EIF2AK3: variants seen among roughly 807,000 people sequenced by gnomAD.
The protein encoded by EIF2AK3 is eukaryotic translation initiation factor 2-alpha kinase 3.
Under a neutral mutation model 113.5 loss-of-function variants are expected in EIF2AK3, and 50 were observed. The ratio of observed to expected loss-of-function variants is 0.44; its 90% CI spans 0.35 to 0.56. The LOEUF (loss-of-function observed/expected upper bound fraction) is 0.56, where lower values mean the gene tolerates loss of function less well. EIF2AK3 is among the 20% of genes least tolerant of loss of function. EIF2AK3 has a pLI of 0.00. For synonymous variants in EIF2AK3, 448 were observed against 495.4 expected (o/e 0.90, Z 1.27); for missense variants, 1,185 against 1,378.0 (o/e 0.86, Z 2.22).
chr2:88,593,964 G>A, intron 3 of EIF2AK3: 1 of 990,882 alleles, frequency 1.0e-6, no homozygotes, highest in Non-Finnish European at 1.2e-6. Context: ...AAAACCAGGT[G>A]ATCGGGTTCA....
intron 1 of EIF2AK3, among the ~76,000 whole-genome samples, chr2:88,621,832 A>T (rs1675731961): frequency 6.6e-6 from 1 of 152,128 alleles, no homozygotes; most frequent in Non-Finnish European, 1.5e-5. Flanking sequence ...CATAAGCGTA[A>T]CAGATATCCT....
intron 10 of EIF2AK3, 59 bp downstream of exon 10, chr2:88,583,371 A>G: frequency 7.3e-7 from 1 of 1,373,002 alleles, no homozygotes; most frequent in Non-Finnish European, 1.0e-6. Flanking sequence ...AAAAAGTTAA[A>G]CAAGATCTTA....
At chr2:88,575,489 T>C in intron 12 of EIF2AK3, 43 bp from the exon 13 acceptor site, 1 of 1,593,852 alleles carries the variant, frequency 6.3e-7, no homozygotes, top group Non-Finnish European at 8.5e-7. Flanking sequence ...TGAATATATA[T>C]TGATTCAAGT....
intron 1 of EIF2AK3, 116 bp downstream of exon 1, chr2:88,626,851 C>T: frequency 2.1e-6 from 3 of 1,396,582 alleles, no homozygotes; most frequent in Non-Finnish European, 2.9e-6. Flanking sequence ...GCCAGCTGCC[C>T]TCCGCAGCCG....
chr2:88,589,129 C>T (rs1362508170), intron 6 of EIF2AK3, among the ~76,000 whole-genome samples: 1 of 152,120 alleles, frequency 6.6e-6, no homozygotes, highest in Non-Finnish European at 1.5e-5. Context: ...AATAATAGCA[C>T]ATTTTCAGTA....
At chr2:88,563,406 C>T (rs1001597045) in intron 14 of EIF2AK3, among the ~76,000 whole-genome samples, 1 of 152,160 alleles carries the variant, frequency 6.6e-6, no homozygotes, top group Non-Finnish European at 1.5e-5. Context: ...CTGTAGCAAT[C>T]TGAACCCTGT....
intron 6 of EIF2AK3, among the ~76,000 whole-genome samples, 195 bp downstream of exon 6, chr2:88,590,245 CAAA>C (rs1172973695): frequency 6.6e-6 from 1 of 151,878 alleles, no homozygotes; most frequent in African/African-American, 2.4e-5. Flanking sequence ...CCAACAACAA[CAAA>C]AAAATTTTCA....
intron 2 of EIF2AK3, among the ~76,000 whole-genome samples, chr2:88,608,537 A>G (rs1403446560): frequency 6.6e-6 from 1 of 152,036 alleles, no homozygotes; most frequent in Non-Finnish European, 1.5e-5. Context: ...AGCCTTTACA[A>G]CCAAACACAC....
At chr2:88,615,398 C>T (rs1296047090) in intron 1 of EIF2AK3, among the ~76,000 whole-genome samples, 1 of 152,214 alleles carries the variant, frequency 6.6e-6, no homozygotes, top group Non-Finnish European at 1.5e-5. Context: ...ACCTAATCCC[C>T]AAGGTGATCA....
chr2:88,606,770 T>C (rs548938632), intron 2 of EIF2AK3, among the ~76,000 whole-genome samples: 2 of 152,282 alleles, frequency 1.3e-5, no homozygotes, highest in South Asian at 2.1e-4. Flanking sequence ...AAAGCCCTTA[T>C]ATTAGTGGAA....
chr2:88,626,883 C>T (rs561400844), intron 1 of EIF2AK3, 84 bp downstream of exon 1: 13 of 1,542,758 alleles, frequency 8.4e-6, no homozygotes, highest in Non-Finnish European at 1.1e-5. Context: ...CCGCCCGGGT[C>T]CCGGATCTCC....
intron 10 of EIF2AK3, 53 bp downstream of exon 10, chr2:88,583,377 T>C (rs1299738914): frequency 2.1e-6 from 3 of 1,407,978 alleles, no homozygotes; most frequent in African/African-American, 1.4e-5. Flanking sequence ...TTAAACAAGA[T>C]CTTAGGTCAT....
chr2:88,565,059 G>A (rs1395400619), intron 14 of EIF2AK3, among the ~76,000 whole-genome samples: 2 of 145,854 alleles, frequency 1.4e-5, no homozygotes, highest in Admixed American at 6.8e-5. Context: ...TTTTTGAGAC[G>A]GAGTTTCACT....
At chr2:88,595,984 G>A (rs1391149342) in intron 2 of EIF2AK3, 1 of 396,926 alleles carries the variant, frequency 2.5e-6, no homozygotes, top group African/African-American at 2.0e-5. Context: ...AGAGTTTTAT[G>A]ATCAAGTGAG....
intron 4 of EIF2AK3, among the ~76,000 whole-genome samples, 162 bp downstream of exon 4, chr2:88,593,110 C>G (rs1674926186): frequency 6.6e-6 from 1 of 152,052 alleles, no homozygotes; most frequent in African/African-American, 2.4e-5. Flanking sequence ...CCACTGTACT[C>G]AAGCCTGGGC....
chr2:88,607,346 A>C (rs2104460553), intron 2 of EIF2AK3, among the ~76,000 whole-genome samples: 1 of 152,354 alleles, frequency 6.6e-6, no homozygotes, highest in South Asian at 2.1e-4. Context: ...CTGAAAATTA[A>C]AAACAAAATT....
In EIF2AK3 at chr2:88,613,867, A is replaced by G; in HGVS notation, c.309-14T>C. ...ATTACTAATGACCTGTAAATATTAA[A>G]AATATTTTTAAAATTAACAGATATC... On this transcript the variant is annotated splice_polypyrimidine_tract_variant and intron_variant, in intron 1 of 16. Coordinates refer to ENST00000303236, the MANE Select transcript of EIF2AK3 (RefSeq NM_004836.7). 6.3e-7 allele frequency: 1 copy of G among 1,596,206 alleles called. No individual in the cohort carries two copies. Among genetic ancestry groups the G allele is most frequent in the Non-Finnish European group, 8.6e-7 (1 of 1,168,336 alleles).
chr2:88,587,571 A>G (rs1040593651), intron 8 of EIF2AK3, among the ~76,000 whole-genome samples: 1 of 152,222 alleles, frequency 6.6e-6, no homozygotes, highest in Admixed American at 6.5e-5. Context: ...TTTCTTCATT[A>G]TACAGGCAAC....
At chr2:88,584,412 G>A (rs571726475) in intron 9 of EIF2AK3, among the ~76,000 whole-genome samples, 2 of 151,764 alleles carry the variant, frequency 1.3e-5, no homozygotes, top group South Asian at 4.2e-4. Flanking sequence ...AGCTACTCGG[G>A]AGGCTGAAGA....
Sources: gnomAD v4.1 joint callset for allele counts (sites outside exome capture counted in the v4.1 genomes callset) on GRCh38, gnomAD v4.1.1 for gene constraint, MANE v1.5 for transcripts, NCBI Gene and HGNC (gene_info 2026-07-23, HGNC 2026-07-21) for gene names.